The following SYT17 variants were observed in gnomAD, a reference collection of about 807,000 sequenced individuals.
SYT17 encodes the protein synaptotagmin-17.
Under a neutral mutation model 46.7 loss-of-function variants are expected in SYT17, and 22 were observed. The observed-to-expected ratio is 0.47, with a 90% CI of 0.34 to 0.67. SYT17 has a LOEUF of 0.67. SYT17 is among the 30% of genes least tolerant of loss of function. The pLI is 0.01. For synonymous variants in SYT17, 251 were observed against 248.4 expected, an observed-to-expected ratio of 1.01 and a Z score of -0.10; for missense variants, 519 against 612.8, an observed-to-expected ratio of 0.85 and a Z score of 1.62.
chr16:19,187,712 T>C lies in SYT17; in HGVS notation c.951+3565T>C, dbSNP rs141108245. 4.4e-3 allele frequency among the ~76,000 whole-genome samples: 665 copies of C among 152,310 alleles called. 4 individuals are homozygous for C. The highest frequency in any genetic ancestry group is 6.5e-3 in the Non-Finnish European group (441 of 68,034). ...GAGTGGAAAAGCCGGTTGTCTTACA[T>C]GCTGCCAACAATCATATGAAAAAGA... On this transcript the variant is annotated intron_variant, in intron 5 of 7. Transcript: ENST00000355377.
chr16:19,227,264 C>T (rs1966530502), intron 7 of SYT17, among the ~76,000 whole-genome samples: 1 of 151,928 alleles, frequency 6.6e-6, no homozygotes, highest in Non-Finnish European at 1.5e-5. Context: ...CACCTTCTCA[C>T]TCCCTCATGC....
intron 3 of SYT17, among the ~76,000 whole-genome samples, chr16:19,174,859 G>A (rs1310032199): frequency 6.6e-6 from 1 of 152,220 alleles, no homozygotes. Flanking sequence ...GCTCATGCCT[G>A]TAATCCCAGC....
At chr16:19,194,655 G>A (rs143156643) in intron 5 of SYT17, among the ~76,000 whole-genome samples, 1 of 152,284 alleles carries the variant, frequency 6.6e-6, no homozygotes, top group African/African-American at 2.4e-5. Context: ...GAGTGCAGGG[G>A]TGCGATCATG....
intron 6 of SYT17, among the ~76,000 whole-genome samples, chr16:19,224,140 A>G (rs975614961): frequency 2.6e-5 from 4 of 152,200 alleles, no homozygotes; most frequent in Admixed American, 6.5e-5. Flanking sequence ...ATTCACCTGT[A>G]TATGGGCTAT....
At chr16:19,195,346 C>T (rs1261003066) in intron 5 of SYT17, among the ~76,000 whole-genome samples, 1 of 151,906 alleles carries the variant, frequency 6.6e-6, no homozygotes, top group Non-Finnish European at 1.5e-5. Flanking sequence ...GGCACTGCTT[C>T]TTTCATTTAT....
chr16:19,179,176 G>T (rs1596894388), intron 3 of SYT17, among the ~76,000 whole-genome samples: 1 of 152,136 alleles, frequency 6.6e-6, no homozygotes, highest in East Asian at 1.9e-4. Flanking sequence ...CACCCAGGCT[G>T]GAGTACAGTG....
intron 3 of SYT17, 82 bp from the exon 4 acceptor site, chr16:19,180,309 G>A (rs1165684241): frequency 9.3e-6 from 14 of 1,505,358 alleles, no homozygotes; most frequent in African/African-American, 2.8e-5. Context: ...CGGTTTCATC[G>A]TGGGTCTTAA....
intron 5 of SYT17, among the ~76,000 whole-genome samples, chr16:19,218,593 G>A (rs747151526): frequency 1.3e-5 from 2 of 152,174 alleles, no homozygotes; most frequent in Non-Finnish European, 2.9e-5. Flanking sequence ...TTGAAGGTTC[G>A]ATCAATGGCC....
At position 19,241,190 on chromosome 16, in the gene SYT17, G is replaced by A. The variant is rs867023197; in HGVS notation, c.1228+16352G>A. On this transcript the variant is annotated intron_variant, in intron 7 of 7. Coordinates refer to ENST00000355377, the MANE Select transcript of SYT17 (RefSeq NM_016524.4). ...TCTCGATCTCCTGACCTCGTGATCC[G>A]CCCGCCTCGGCCTCCCAAAGTGCTG... 1.6e-3 allele frequency among the ~76,000 whole-genome samples: 242 copies of A among 151,950 alleles called. 1 individual carries two copies. Among genetic ancestry groups the A allele is most frequent in the African/African-American group, 5.5e-3 (227 of 41,456 alleles).
intron 7 of SYT17, among the ~76,000 whole-genome samples, chr16:19,264,626 C>G (rs538199891): frequency 2.2e-4 from 32 of 147,882 alleles, no homozygotes; most frequent in Non-Finnish European, 4.3e-4. Context: ...AGCAAGGTCA[C>G]TTTGCTACCC....
At chr16:19,192,457 C>T (rs1208356905) in intron 5 of SYT17, among the ~76,000 whole-genome samples, 3 of 151,686 alleles carry the variant, frequency 2.0e-5, no homozygotes, top group Non-Finnish European at 4.4e-5. Context: ...GGTGTGGTGG[C>T]TCATGCCTAA....
rs1452485280 is a variant in SYT17, at chr16:19,196,259, T to TA, written c.951+12115dup. 4.0e-5 allele frequency among the ~76,000 whole-genome samples: 6 copies of TA among 151,484 alleles called. No individual in the cohort carries two copies. The East Asian group carries it at 7.8e-4, about 20-fold the overall frequency. ...GATAGAAGAATTTTTTTTTTTTTTT[T>TA]AAAGACAGAATCTTGCTCTGTTGCC... On this transcript the variant is annotated intron_variant, in intron 5 of 7. Coordinates refer to ENST00000355377, the MANE Select transcript of SYT17 (RefSeq NM_016524.4).
chr16:19,180,134 C>G (rs577769540), intron 3 of SYT17: 3 of 434,522 alleles, frequency 6.9e-6, no homozygotes, highest in African/African-American at 5.9e-5. Context: ...TCCACCCAAC[C>G]CCAGCTTTGA....
rs768683487 is a variant in SYT17 at position 19,224,735 on chromosome 16, G to A, written c.1125G>A (p.Lys375=). ...ATGGACTCAAACTTGTGAAAACCAA[G>A]AAGACGTCCTTCTTAAGGGGCACAA... ...LVHGLKLVKT[K]KTSFLRGTID... The change falls in exon 7 of 8, where the codon AAG becomes AAA. Residue 375 remains lysine, a synonymous_variant. Transcript: ENST00000355377. 8 of 1,614,104 alleles carry A rather than the reference G, an allele frequency of 5.0e-6. No homozygotes were observed. In the East Asian group the frequency reaches 1.8e-4, roughly 36 times the overall value.
At chr16:19,242,365 G>T (rs1178272820) in intron 7 of SYT17, among the ~76,000 whole-genome samples, 1 of 152,186 alleles carries the variant, frequency 6.6e-6, no homozygotes, top group African/African-American at 2.4e-5. Flanking sequence ...AGAGGGAATT[G>T]TGCAAAAGGC....
intron 7 of SYT17, among the ~76,000 whole-genome samples, chr16:19,227,589 T>G (rs1265476339): frequency 6.6e-6 from 1 of 152,204 alleles, no homozygotes; most frequent in African/African-American, 2.4e-5. Context: ...AGTGCTGGGA[T>G]TACAGGCATG....
chr16:19,173,715 A>T (rs1964201445), intron 3 of SYT17, 137 bp downstream of exon 3: 7 of 983,388 alleles, frequency 7.1e-6, no homozygotes, highest in Admixed American at 2.7e-5. Context: ...GTTTCCAGGG[A>T]CAACTTTGCT....
intron 4 of SYT17, among the ~76,000 whole-genome samples, chr16:19,181,405 A>G (rs16971672): frequency 0.067 from 10,214 of 152,234 alleles, 477 homozygotes; most frequent in East Asian, 0.2. Context: ...AAATGCATGA[A>G]ACAAATCCAT....
chr16:19,234,669 A>G (rs1228829439), intron 7 of SYT17, among the ~76,000 whole-genome samples: 1 of 152,174 alleles, frequency 6.6e-6, no homozygotes, highest in African/African-American at 2.4e-5. Context: ...GTGTGACCTC[A>G]AGCAAGTGAC....
Sources: gnomAD v4.1 joint callset for allele counts (sites outside exome capture counted in the v4.1 genomes callset) on GRCh38, gnomAD v4.1.1 for gene constraint, MANE v1.5 for transcripts, NCBI Gene and HGNC (gene_info 2026-07-23, HGNC 2026-07-21) for gene names.